The following AK6 variants were observed in gnomAD, a reference collection of about 807,000 sequenced individuals.
The protein encoded by AK6 is adenylate kinase isoenzyme 6.
In AK6, 24 loss-of-function variants were observed where a neutral mutation model predicts 23.7. The observed-to-expected ratio is 1.01, with a 90% confidence interval of 0.73 to 1.43. The LOEUF (loss-of-function observed/expected upper bound fraction) is 1.43. Ranked by LOEUF, AK6 falls within the 40% of genes most tolerant of loss-of-function variation. AK6 has a pLI of 0.00. For synonymous variants in AK6, 73 were observed against 69.8 expected (o/e 1.05, Z -0.23); for missense variants, 191 against 199.1 (o/e 0.96, Z 0.24).
At chr5:69,360,376 T>C (rs1430024749) in intron 2 of AK6, among the ~76,000 whole-genome samples, 1 of 152,098 alleles carries the variant, frequency 6.6e-6, no homozygotes, top group East Asian at 1.9e-4. Flanking sequence ...ATTTATATGC[T>C]TGGGAGGTAG....
At chr5:69,369,785 G>C (rs1204138522), upstream of AK6, 2 of 1,398,158 alleles carry the variant, frequency 1.4e-6, no homozygotes, top group Admixed American at 2.1e-5. Context: ...CCCTTCGCTT[G>C]CGCCGACCAG....
rs538822923 is a variant in AK6, at chr5:69,369,234, C to A, written c.28+229G>T. 273 of 71,062 alleles carry A rather than the reference C, an allele frequency of 3.8e-3. 22 individuals carry two copies. The highest frequency in any genetic ancestry group is 8.8e-3 in the Non-Finnish European group (231 of 26,174). The allele number at this position is 71,062 out of a possible 1,614,324, so 4.4% of individuals were successfully genotyped here. ...TCTGCCGACCTCTCTCCACCCCCCC[C>A]CGCCCCCCCCCGGAGCCTCAGGCCA... On this transcript the variant is annotated intron_variant, in intron 1 of 4. Transcript: ENST00000380822.
Position 69,351,528 on chromosome 5 carries a change from C to A in AK6, c.*533G>T, listed in dbSNP as rs1422850273. Reference sequence around the variant, plus strand: ...CACATGTACATATACACTGTGCAGGCATAAAACCTCTAAAAAGACATATAG... The same window carrying A: ...CACATGTACATATACACTGTGCAGGAATAAAACCTCTAAAAAGACATATAG... On this transcript the variant is annotated 3_prime_UTR_variant, in exon 5 of 5. Transcript: ENST00000380822. 1 of 152,246 alleles carries A rather than the reference C, an allele frequency of 6.6e-6. No homozygotes were observed. Among genetic ancestry groups the A allele is most frequent in the Non-Finnish European group, 1.5e-5 (1 of 68,162 alleles). 9.4% of individuals were successfully genotyped at this position (152,246 alleles called of 1,614,324 possible). A position where few individuals can be genotyped will look rare whatever the true frequency, so the allele number is the denominator to read the frequency against.
intron 2 of AK6, 152 bp from the exon 3 acceptor site, chr5:69,356,105 C>T: frequency 1.6e-6 from 1 of 636,222 alleles, no homozygotes; most frequent in South Asian, 2.6e-5. Flanking sequence ...TACATAAACA[C>T]CAAATATAAA....
Sources: gnomAD v4.1 joint callset for allele counts (sites outside exome capture counted in the v4.1 genomes callset) on GRCh38, gnomAD v4.1.1 for gene constraint, MANE v1.5 for transcripts, NCBI Gene and HGNC (gene_info 2026-07-23, HGNC 2026-07-21) for gene names.